Variants in PLSCR1 observed in about 807,000 individuals in gnomAD.
The protein encoded by PLSCR1 is PL scramblase 1.
PLSCR1 carries 17 observed loss-of-function variants against 37.8 expected under a neutral mutation model. The ratio of observed to expected loss-of-function variants is 0.45; its 90% CI spans 0.31 to 0.68. The LOEUF (loss-of-function observed/expected upper bound fraction) is 0.68. Ranked by LOEUF, PLSCR1 falls within the 30% of genes least tolerant of loss-of-function variation. PLSCR1 has a pLI of 0.06. For synonymous variants in PLSCR1, 116 were observed against 125.9 expected, an observed-to-expected ratio of 0.92 and a Z score of 0.53; for missense variants, 347 against 380.9, an observed-to-expected ratio of 0.91 and a Z score of 0.74.
intron 7 of PLSCR1, 138 bp downstream of exon 7, chr3:146,521,406 G>C: frequency 1.3e-6 from 1 of 758,952 alleles, no homozygotes; most frequent in Non-Finnish European, 2.1e-6. Context: ...TCTGCCCAAA[G>C]TTAAATAAAT....
intron 5 of PLSCR1, among the ~76,000 whole-genome samples, chr3:146,522,915 CA>C (rs1231645616): frequency 6.6e-6 from 1 of 152,218 alleles, no homozygotes; most frequent in African/African-American, 2.4e-5. Context: ...ATATGCACAT[CA>C]AAAGCACAGC....
intron 1 of PLSCR1, among the ~76,000 whole-genome samples, chr3:146,543,616 G>A (rs1431339379): frequency 2.0e-5 from 3 of 152,238 alleles, no homozygotes; most frequent in Non-Finnish European, 4.4e-5. Context: ...AGGAATAACA[G>A]TGCATGAATG....
intron 7 of PLSCR1, 61 bp downstream of exon 7, chr3:146,521,483 C>T: frequency 7.0e-7 from 1 of 1,423,020 alleles, no homozygotes; most frequent in Non-Finnish European, 9.8e-7. Context: ...TAATGTCCTG[C>T]AAAATTACAT....
chr3:146,516,870 G>A, intron 8 of PLSCR1, 136 bp downstream of exon 8: 3 of 621,944 alleles, frequency 4.8e-6, no homozygotes, highest in Non-Finnish European at 5.4e-6. Flanking sequence ...GAATTTCAGA[G>A]CTAGGATTAA....
intron 7 of PLSCR1, among the ~76,000 whole-genome samples, chr3:146,518,987 G>T (rs1273497436): frequency 6.6e-6 from 1 of 152,052 alleles, no homozygotes; most frequent in Non-Finnish European, 1.5e-5. Context: ...GAAATATAAT[G>T]ACAGCATATA....
At chr3:146,533,669 G>A (rs577917350) in intron 2 of PLSCR1, 119 bp from the exon 3 acceptor site, 1 of 511,556 alleles carries the variant, frequency 2.0e-6, no homozygotes, top group Non-Finnish European at 3.3e-6. Flanking sequence ...TTGAAATAGG[G>A]AAAGTAAAAT....
At chr3:146,531,925 C>T (rs1345875506) in intron 3 of PLSCR1, among the ~76,000 whole-genome samples, 1 of 152,120 alleles carries the variant, frequency 6.6e-6, no homozygotes, top group African/African-American at 2.4e-5. Context: ...TATGCCTCAG[C>T]TTTCCCACAT....
chr3:146,542,832 T>C (rs1270618116), intron 1 of PLSCR1, among the ~76,000 whole-genome samples: 5 of 152,152 alleles, frequency 3.3e-5, no homozygotes, highest in African/African-American at 9.7e-5. Flanking sequence ...AAGGAATTAA[T>C]TGAAGGCATA....
chr3:146,537,119 T>TC (rs1491305811), intron 1 of PLSCR1, among the ~76,000 whole-genome samples: 1 of 70,328 alleles, frequency 1.4e-5, no homozygotes, highest in African/African-American at 5.6e-5. Flanking sequence ...CATTCAGAGA[T>TC]TTTTTTTTTT....
chr3:146,528,781 G>T lies in PLSCR1; in HGVS notation c.145C>A (p.Pro49Thr), dbSNP rs1364603660. Residue 49 changes from proline to threonine, a missense_variant, in exon 4 of 9, where the codon CCA becomes ACA. Transcript: ENST00000342435. ...CCAGGACCTGAATGGCCGGCTGGTG[G>T]GGGTGGGTAGCTGACCTGGGGCCCA... ...YPGPQVSYPP[P>T]PAGHSGPGPA... is the part of the protein sequence containing the mutation. The T allele has an allele frequency of 6.2e-7, 1 of 1,614,052 alleles. No individual in the cohort carries two copies. The highest frequency in any genetic ancestry group is 8.5e-7 in the Non-Finnish European group (1 of 1,180,024).
intron 3 of PLSCR1, among the ~76,000 whole-genome samples, chr3:146,530,209 A>G (rs1256341616): frequency 1.3e-5 from 2 of 152,232 alleles, no homozygotes; most frequent in Non-Finnish European, 2.9e-5. Flanking sequence ...GCAAAATGTA[A>G]TACTTAGAAT....
chr3:146,520,486 G>A (rs1251592089), intron 7 of PLSCR1, among the ~76,000 whole-genome samples: 1 of 152,072 alleles, frequency 6.6e-6, no homozygotes, highest in Non-Finnish European at 1.5e-5. Context: ...TGCATATTAT[G>A]CACACATATA....
At chr3:146,536,265 A>G (rs2044263073) in intron 2 of PLSCR1, among the ~76,000 whole-genome samples, 1 of 152,214 alleles carries the variant, frequency 6.6e-6, no homozygotes, top group Non-Finnish European at 1.5e-5. Context: ...TTGTGGTTTA[A>G]ATATATGTTA....
intron 5 of PLSCR1, among the ~76,000 whole-genome samples, chr3:146,522,930 T>A (rs1258377619): frequency 2.0e-5 from 3 of 152,200 alleles, no homozygotes; most frequent in Admixed American, 2.0e-4. Flanking sequence ...GCACAGCACC[T>A]TTTTCTTTAC....
intron 1 of PLSCR1, among the ~76,000 whole-genome samples, chr3:146,544,262 C>T (rs1560094250): frequency 6.6e-6 from 1 of 152,206 alleles, no homozygotes; most frequent in East Asian, 1.9e-4. Context: ...TTCCAGGGTC[C>T]CTTTCAGAGG....
intron 5 of PLSCR1, among the ~76,000 whole-genome samples, chr3:146,524,086 G>C (rs1024843880): frequency 6.6e-6 from 1 of 152,174 alleles, no homozygotes; most frequent in South Asian, 2.1e-4. Flanking sequence ...TAGGAACAAC[G>C]TCTGATTTCA....
chr3:146,526,635 T>C (rs1048916942), intron 4 of PLSCR1, among the ~76,000 whole-genome samples: 1 of 152,262 alleles, frequency 6.6e-6, no homozygotes, highest in Non-Finnish European at 1.5e-5. Flanking sequence ...AACCTAAGTA[T>C]TCATCAATAG....
intron 4 of PLSCR1, among the ~76,000 whole-genome samples, chr3:146,527,515 T>A (rs1228781033): frequency 6.6e-6 from 1 of 152,222 alleles, no homozygotes; most frequent in Non-Finnish European, 1.5e-5. Context: ...CCTTCTAGAA[T>A]AGGCTGAAGA....
intron 1 of PLSCR1, among the ~76,000 whole-genome samples, chr3:146,539,739 C>A (rs1312631260): frequency 6.6e-6 from 1 of 152,166 alleles, no homozygotes; most frequent in Non-Finnish European, 1.5e-5. Flanking sequence ...AAAACTACTG[C>A]AGTATAAAAT....
Sources: gnomAD v4.1 joint callset for allele counts (sites outside exome capture counted in the v4.1 genomes callset) on GRCh38, gnomAD v4.1.1 for gene constraint, MANE v1.5 for transcripts, NCBI Gene and HGNC (gene_info 2026-07-23, HGNC 2026-07-21) for gene names.